Variants in LAMC2 observed in about 807,000 individuals in gnomAD.
The protein encoded by LAMC2 is laminin subunit gamma 2.
Under a neutral mutation model 140.2 loss-of-function variants are expected in LAMC2, and 97 were observed. The ratio of observed to expected loss-of-function variants is 0.69; its 90% CI spans 0.59 to 0.82. The LOEUF (loss-of-function observed/expected upper bound fraction) is 0.82. Among genes scored for constraint, LAMC2 ranks in the 40% least tolerant of loss-of-function variants. The pLI, the probability that LAMC2 is intolerant of heterozygous loss-of-function variation, is 0.00. For missense variants in LAMC2, 1,402 were observed against 1,476.1 expected, an observed-to-expected ratio of 0.95 and a Z score of 0.82; for synonymous variants, 513 against 540.2, an observed-to-expected ratio of 0.95 and a Z score of 0.70.
chr1:183,208,139 G>A, intron 2 of LAMC2, 70 bp downstream of exon 2: 2 of 1,383,350 alleles, frequency 1.4e-6, no homozygotes, highest in South Asian at 2.3e-5. Flanking sequence ...AGGAAGGAAG[G>A]AGGAAAAGAA....
chr1:183,216,245 TGTCCCAGTTGTCAAG>T (rs1274991785), intron 3 of LAMC2, among the ~76,000 whole-genome samples: 1 of 152,174 alleles, frequency 6.6e-6, no homozygotes, highest in African/African-American at 2.4e-5. Context: ...CATACTGCAT[TGTCCCAGTTGTCAAG>T]GTCCCAAGTT....
rs1659606023 is a variant in LAMC2, at chr1:183,225,702, G to A, written c.1048G>A (p.Ala350Thr). ...GAATCTCACAGCCCTCCGCATCCGAGCTACATATGGAGAATACAGTAAGTG... is the reference window on the plus strand; with the variant it reads ...GAATCTCACAGCCCTCCGCATCCGAACTACATATGGAGAATACAGTAAGTG... ...LRNLTALRIR[A>T]TYGEYSTGYI... The change falls in exon 8 of 23, where the codon GCT becomes ACT. Residue 350 changes from alanine to threonine, a missense_variant. Transcript: ENST00000264144. 1 of 1,610,450 alleles carries A rather than the reference G, an allele frequency of 6.2e-7. No individual in the cohort carries two copies. Among genetic ancestry groups the A allele is most frequent in the East Asian group, 2.2e-5 (1 of 44,856 alleles).
chr1:183,237,240 C>G, intron 17 of LAMC2, 112 bp from the exon 18 acceptor site: 1 of 1,232,230 alleles, frequency 8.1e-7, no homozygotes. Flanking sequence ...TGACTATTTT[C>G]TTGGCTTCTT....
intron 9 of LAMC2, 33 bp downstream of exon 9, chr1:183,226,949 G>C (rs568442460): frequency 1.3e-6 from 2 of 1,545,864 alleles, no homozygotes; most frequent in South Asian, 1.1e-5. Flanking sequence ...CAGGTGGCTG[G>C]GGTGTCATGT....
rs1558091159 is a variant in LAMC2, at chr1:183,223,337, A to C, written c.953+13A>C. ...CTTACACATTCAGGTAAAAAGAGAG[A>C]CCATAAGTAGGTCAATTAGAGCAAA... On this transcript the variant is annotated intron_variant, in intron 7 of 22. Transcript: ENST00000264144. The C allele has an allele frequency of 2.5e-6, 4 of 1,613,038 alleles. No homozygotes were observed. The highest frequency in any genetic ancestry group is 2.5e-6 in the Non-Finnish European group (3 of 1,179,026).
chr1:183,187,531 T>C (rs1658193483), intron 1 of LAMC2, among the ~76,000 whole-genome samples: 1 of 151,022 alleles, frequency 6.6e-6, no homozygotes. Flanking sequence ...GAGATAAGTA[T>C]GTGAAATAAT....
intron 1 of LAMC2, among the ~76,000 whole-genome samples, chr1:183,191,667 G>C (rs1658338413): frequency 6.6e-6 from 1 of 152,080 alleles, no homozygotes; most frequent in Non-Finnish European, 1.5e-5. Context: ...AGACCAGCTT[G>C]GTCAACATGG....
intron 2 of LAMC2, among the ~76,000 whole-genome samples, chr1:183,214,023 G>A (rs2102207469): frequency 6.8e-6 from 1 of 146,008 alleles, no homozygotes; most frequent in African/African-American, 2.7e-5. Flanking sequence ...GGCAACAGGA[G>A]CAAAACTTCG....
intron 3 of LAMC2, 62 bp from the exon 4 acceptor site, chr1:183,218,328 T>G (rs1659343481): frequency 6.1e-6 from 8 of 1,309,818 alleles, no homozygotes; most frequent in Admixed American, 1.7e-5. Context: ...AGTTGATTTT[T>G]ATGTGCATAG....
intron 20 of LAMC2, 94 bp downstream of exon 20, chr1:183,239,657 G>T: frequency 9.0e-7 from 1 of 1,108,102 alleles, no homozygotes; most frequent in South Asian, 1.4e-5. Flanking sequence ...TTTAACCTCT[G>T]AGGCTCAGAG....
chr1:183,195,155 T>C (rs771172352), intron 1 of LAMC2, among the ~76,000 whole-genome samples: 5 of 152,188 alleles, frequency 3.3e-5, no homozygotes, highest in Non-Finnish European at 5.9e-5. Context: ...TCACTGGGAC[T>C]TTCTTCCCCC....
chr1:183,200,314 T>C (rs1316169339), intron 1 of LAMC2, among the ~76,000 whole-genome samples: 1 of 151,640 alleles, frequency 6.6e-6, no homozygotes, highest in Non-Finnish European at 1.5e-5. Flanking sequence ...CACTTGAACC[T>C]GGGAGGCAGA....
chr1:183,203,419 A>T (rs1249440488), intron 1 of LAMC2, among the ~76,000 whole-genome samples: 1 of 152,218 alleles, frequency 6.6e-6, no homozygotes, highest in Non-Finnish European at 1.5e-5. Flanking sequence ...ACACCGTTTT[A>T]TTAAGCCCAG....
chr1:183,193,789 A>G (rs990917141), intron 1 of LAMC2, among the ~76,000 whole-genome samples: 9 of 152,150 alleles, frequency 5.9e-5, no homozygotes, highest in Non-Finnish European at 1.5e-5. Context: ...GAAACAGCAT[A>G]TTTGTTCAAC....
chr1:183,227,588 G>T lies in LAMC2; in HGVS notation c.1359G>T (p.Pro453=), dbSNP rs778840063. 64 of 1,614,108 alleles carry T rather than the reference G, an allele frequency of 4.0e-5. No homozygotes were observed. Among genetic ancestry groups the T allele is most frequent in the Non-Finnish European group, 5.4e-5 (64 of 1,180,024 alleles). Residue 453 remains proline, a synonymous_variant, in exon 10 of 23, where the codon CCG becomes CCT. Transcript: ENST00000264144. ...ADCPIGFYND[P]HDPRSCKPCP... ...GCCCAATTGGTTTCTACAACGATCC[G>T]CACGACCCCCGCAGCTGCAAGCCAT...
chr1:183,223,455 G>T (rs765048790), intron 7 of LAMC2, 131 bp downstream of exon 7: 3 of 822,878 alleles, frequency 3.6e-6, no homozygotes, highest in East Asian at 2.6e-5. Flanking sequence ...TACCATGAAG[G>T]TTGCTATGTG....
chr1:183,231,085 T>C lies in LAMC2; in HGVS notation c.1839T>C (p.Tyr613=). ...GAGCATTCAGCTGTCCAGCTTGCTA[T>C]AATCAAGTGAAGATTCAGGTATGCA... ...EHGAFSCPAC[Y]NQVKIQMDQF... is the part of the protein sequence containing the mutation. Residue 613 remains tyrosine, a synonymous_variant, in exon 12 of 23, where the codon TAT becomes TAC. Coordinates refer to ENST00000264144, the MANE Select transcript of LAMC2 (RefSeq NM_005562.3). 6.2e-7 allele frequency: 1 copy of C among 1,614,190 alleles called. No homozygotes were observed. The highest frequency in any genetic ancestry group is 8.5e-7 in the Non-Finnish European group (1 of 1,180,018).
Position 183,232,352 on chromosome 1 carries a change from G to A in LAMC2, c.2014+9G>A. On this transcript the variant is annotated intron_variant, in intron 13 of 22. Coordinates refer to ENST00000264144, the MANE Select transcript of LAMC2 (RefSeq NM_005562.3). ...TGCCCAGATTTCAGAAGGTGATGAAGGCCAACTTCCCTTCAGACAGAAGAG... is the reference window on the plus strand; with the variant it reads ...TGCCCAGATTTCAGAAGGTGATGAAAGCCAACTTCCCTTCAGACAGAAGAG... The A allele has an allele frequency of 3.1e-6, 5 of 1,613,848 alleles. No individual in the cohort carries two copies. Among genetic ancestry groups the A allele is most frequent in the Non-Finnish European group, 4.2e-6 (5 of 1,179,936 alleles).
chr1:183,204,288 C>T (rs537961703), intron 1 of LAMC2, among the ~76,000 whole-genome samples: 1 of 151,770 alleles, frequency 6.6e-6, no homozygotes, highest in Non-Finnish European at 1.5e-5. Flanking sequence ...GAGACTCTGT[C>T]TCAAAAATAA....
Sources: allele counts gnomAD v4.1 joint callset (sites outside exome capture counted in the v4.1 genomes callset), GRCh38; gene constraint gnomAD v4.1.1; transcripts MANE v1.5; gene names NCBI Gene and HGNC (gene_info 2026-07-23, HGNC 2026-07-21).